The following COPZ2 variants were observed in gnomAD, a reference collection of about 807,000 sequenced individuals.
COPZ2 encodes the protein coatomer subunit zeta-2.
COPZ2 carries 30 observed loss-of-function variants against 33.2 expected under a neutral mutation model. That is an observed-to-expected ratio of 0.90 (90% CI 0.68 to 1.23). COPZ2 has a LOEUF of 1.23. COPZ2 is among the 50% of genes most tolerant of loss of function. The pLI is 0.00. For missense variants in COPZ2, 263 were observed against 262.4 expected (o/e 1.00, Z -0.02); for synonymous variants, 89 against 102.6 (o/e 0.87, Z 0.80).
intron 6 of COPZ2, among the ~76,000 whole-genome samples, chr17:48,030,289 A>AACACACACACAC (rs71935471): frequency 0.023 from 3,001 of 128,342 alleles, 42 homozygotes; most frequent in Middle Eastern, 0.041. Context: ...TCCATCTCAA[A>AACACACACACAC]ACACACACAC....
chr17:48,036,862 G>C lies in COPZ2; in HGVS notation c.175C>G (p.Leu59Val), dbSNP rs772014513. Reference sequence around the variant, plus strand: ...GGGTCAGAGGTTACCTTGGCCAGCAGCCGGCGCCCGTCATTATCTAGGATG... The same window carrying C: ...GGGTCAGAGGTTACCTTGGCCAGCACCCGGCGCCCGTCATTATCTAGGATG... ...VFILDNDGRRLLAKYYDDTFP... is the reference protein window; with the variant it reads ...VFILDNDGRRVLAKYYDDTFP... The change falls in exon 2 of 9, where the codon CTG becomes GTG. Residue 59 changes from leucine (L) to valine (V), a missense_variant. Transcript: ENST00000621465. 6.2e-7 allele frequency: 1 copy of C among 1,613,916 alleles called. No individual in the cohort carries two copies. The highest frequency in any genetic ancestry group is 1.1e-5 in the South Asian group (1 of 91,068).
chr17:48,038,629 A>G (rs953070557), upstream of COPZ2, among the ~76,000 whole-genome samples: 2 of 152,216 alleles, frequency 1.3e-5, no homozygotes, highest in African/African-American at 4.8e-5. Flanking sequence ...ATGGACCCTC[A>G]TTTTAAGCAA....
chr17:48,046,673 T>C, the COPZ2 span: 1 of 152,254 alleles, frequency 6.6e-6, no homozygotes, highest in African/African-American at 2.4e-5. Flanking sequence ...TTTATCTTCA[T>C]TGTCTCACTA....
the COPZ2 span, chr17:48,047,783 G>T: frequency 6.6e-6 from 1 of 152,244 alleles, no homozygotes; most frequent in African/African-American, 2.4e-5. Context: ...GCACCGAGGG[G>T]AAGTTGGGGT....
chr17:48,029,991 A>T (rs1484212005), intron 6 of COPZ2, among the ~76,000 whole-genome samples: 1 of 147,716 alleles, frequency 6.8e-6, no homozygotes, highest in African/African-American at 2.5e-5. Flanking sequence ...TTTTTTTTAA[A>T]TCTTCCCTTT....
In COPZ2 at chr17:48,036,238, C is replaced by T. The variant is rs181974007; in HGVS notation, c.186+613G>A. Among the ~76,000 whole-genome samples, 7 of 152,154 alleles carry T rather than the reference C, an allele frequency of 4.6e-5. No individual in the cohort carries two copies. In the East Asian group the frequency reaches 5.8e-4, roughly 13 times the overall value. On this transcript the variant is annotated intron_variant, in intron 2 of 8. Transcript: ENST00000621465. ...ACCTTGAGCTTCATGTCAAAAAACCCGAGTTTGCCTGTGAAACCTGTGAAA... is the reference window on the plus strand; with the variant it reads ...ACCTTGAGCTTCATGTCAAAAAACCTGAGTTTGCCTGTGAAACCTGTGAAA...
intron 2 of COPZ2, 144 bp from the exon 3 acceptor site, chr17:48,034,088 C>T: frequency 1.7e-6 from 1 of 604,450 alleles, no homozygotes; most frequent in Non-Finnish European, 3.0e-6. Flanking sequence ...CCTAGGCCTG[C>T]AGGCTCATTA....
chr17:48,036,211 C>A (rs2036980462), intron 2 of COPZ2, among the ~76,000 whole-genome samples: 1 of 152,126 alleles, frequency 6.6e-6, no homozygotes, highest in South Asian at 2.1e-4. Flanking sequence ...ACAGTGAAAA[C>A]CACCTTGAGC....
upstream of COPZ2, among the ~76,000 whole-genome samples, chr17:48,039,641 T>G (rs933481890): frequency 2.6e-5 from 4 of 152,126 alleles, no homozygotes; most frequent in African/African-American, 9.7e-5. Flanking sequence ...GATACAGGCG[T>G]GAACCACCAT....
rs201805900 is a variant in COPZ2 at position 48,033,220 on chromosome 17, G to A, written c.351C>T (p.Tyr117=). ...AACCTCCTGAATTCACCTCATTCTC[G>A]TAGGATGAGCCCACCACGTATAGGA... ...DLFLYVVGSS[Y]ENELMLMSVL... The change falls in exon 4 of 9, where the codon TAC becomes TAT. Residue 117 remains tyrosine, a synonymous_variant. Transcript: ENST00000621465. The A allele has an allele frequency of 6.0e-5, 96 of 1,608,164 alleles. No homozygotes were observed. Among genetic ancestry groups the A allele is most frequent in the Non-Finnish European group, 7.7e-5 (90 of 1,175,406 alleles).
upstream of COPZ2, among the ~76,000 whole-genome samples, chr17:48,038,201 A>C (rs1361860161): frequency 6.6e-6 from 1 of 152,058 alleles, no homozygotes; most frequent in African/African-American, 2.4e-5. Flanking sequence ...CACCCTTTAG[A>C]TCTCAGGGAC....
chr17:48,035,552 C>A (rs1250754993), intron 2 of COPZ2, among the ~76,000 whole-genome samples: 1 of 151,902 alleles, frequency 6.6e-6, no homozygotes, highest in African/African-American at 2.4e-5. Context: ...CACACCACCA[C>A]GCCCGGCTAA....
chr17:48,044,403 CTTTTTTTTTTTTTT>C, the COPZ2 span, among the ~76,000 whole-genome samples: 1 of 101,776 alleles, frequency 9.8e-6, no homozygotes, highest in African/African-American at 3.4e-5. Context: ...CAATCTTTTG[CTTTTTTTTTTTTTT>C]TTTTTTTTTT....
At chr17:48,043,078 G>A in the COPZ2 span, among the ~76,000 whole-genome samples, 30 of 152,220 alleles carry the variant, frequency 2.0e-4, no homozygotes, top group Non-Finnish European at 3.4e-4. Flanking sequence ...CAGCAGACTC[G>A]GCAGGAGAGC....
At chr17:48,047,143 G>C in the COPZ2 span, 1 of 152,158 alleles carries the variant, frequency 6.6e-6, no homozygotes, top group Non-Finnish European at 1.5e-5. Context: ...AGCACAAAAT[G>C]GACTCGATTA....
intron 2 of COPZ2, 49 bp downstream of exon 2, chr17:48,036,802 T>C (rs1283573124): frequency 6.4e-7 from 1 of 1,550,616 alleles, no homozygotes; most frequent in Non-Finnish European, 8.9e-7. Flanking sequence ...GAGACAGGAG[T>C]GTCAGCTGAG....
intron 3 of COPZ2, among the ~76,000 whole-genome samples, 196 bp downstream of exon 3, chr17:48,033,667 G>A (rs909180949): frequency 1.3e-5 from 2 of 152,160 alleles, no homozygotes; most frequent in African/African-American, 4.8e-5. Context: ...GTAGTTGGGG[G>A]AACTGGAGAG....
rs982602907 is a variant in COPZ2 at position 48,026,323 on chromosome 17, G to A, written c.*105C>T. ...GAGACCTTAGGAGTCAGTTCTGGGAGGGACCTGGGGATACAGAGGGGTCTC... is the reference window on the plus strand; with the variant it reads ...GAGACCTTAGGAGTCAGTTCTGGGAAGGACCTGGGGATACAGAGGGGTCTC... On this transcript the variant is annotated 3_prime_UTR_variant, in exon 9 of 9. Transcript: ENST00000621465. 2.4e-5 allele frequency: 21 copies of A among 886,358 alleles called. No homozygotes were observed. The South Asian group carries it at 3.2e-4, about 13-fold the overall frequency. 54.9% of individuals were successfully genotyped at this position (886,358 alleles called of 1,614,324 possible).
intron 6 of COPZ2, among the ~76,000 whole-genome samples, chr17:48,030,161 C>T (rs955816896): frequency 1.3e-5 from 2 of 148,370 alleles, no homozygotes; most frequent in Non-Finnish European, 3.0e-5. Context: ...GTGGCGCACG[C>T]CTATAATCCC....
Sources: allele counts gnomAD v4.1 joint callset (sites outside exome capture counted in the v4.1 genomes callset), GRCh38; gene constraint gnomAD v4.1.1; transcripts MANE v1.5; gene names NCBI Gene and HGNC (gene_info 2026-07-23, HGNC 2026-07-21).